ROCK1: variants seen among roughly 807,000 people sequenced by gnomAD.
The protein encoded by ROCK1 is Rho associated coiled-coil containing protein kinase 1, also known as rho-associated protein kinase 1.
In ROCK1, 36 loss-of-function variants were observed where a neutral mutation model predicts 196.8. The ratio of observed to expected loss-of-function variants is 0.18; its 90% CI spans 0.14 to 0.24. The LOEUF is 0.24. Among genes scored for constraint, ROCK1 ranks in the 10% least tolerant of loss-of-function variants. The probability of loss-of-function intolerance (pLI) is 1.00; values close to 1 mark genes in which losing one functional copy is unlikely to be tolerated. For missense variants in ROCK1, 920 were observed against 1,562.0 expected, an observed-to-expected ratio of 0.59 and a Z score of 6.93; for synonymous variants, 443 against 515.9, an observed-to-expected ratio of 0.86 and a Z score of 1.91.
chr18:21,078,341 TACACACACACACACACACACACAC>T (rs59499705), intron 1 of ROCK1, among the ~76,000 whole-genome samples: 1 of 128,786 alleles, frequency 7.8e-6, no homozygotes, highest in African/African-American at 3.1e-5. Flanking sequence ...AACACCCACC[TACACACACACACACACACACACAC>T]ACACACACAG....
At chr18:21,047,994 C>T (rs759133320) in intron 4 of ROCK1, among the ~76,000 whole-genome samples, 5 of 152,126 alleles carry the variant, frequency 3.3e-5, no homozygotes, top group African/African-American at 7.2e-5. Context: ...GATCCCAATA[C>T]ATAAGACAGA....
chr18:20,979,859 A>C, intron 22 of ROCK1, 51 bp downstream of exon 22: 1 of 1,492,088 alleles, frequency 6.7e-7, no homozygotes, highest in Non-Finnish European at 8.9e-7. Flanking sequence ...CTTAAAACTT[A>C]AGAATGCCTG....
intron 1 of ROCK1, among the ~76,000 whole-genome samples, chr18:21,100,253 T>G (rs1272661717): frequency 3.3e-5 from 5 of 151,814 alleles, no homozygotes; most frequent in African/African-American, 9.7e-5. Flanking sequence ...CATAGCTCTA[T>G]TCACTGAACA....
chr18:20,996,669 T>C (rs2035673673), intron 16 of ROCK1, among the ~76,000 whole-genome samples: 1 of 152,174 alleles, frequency 6.6e-6, no homozygotes. Flanking sequence ...GCAATTGCAG[T>C]GTATAAATTA....
intron 1 of ROCK1, among the ~76,000 whole-genome samples, chr18:21,084,058 A>C (rs1200820060): frequency 6.6e-6 from 1 of 152,204 alleles, no homozygotes; most frequent in African/African-American, 2.4e-5. Context: ...GGTGCTGGAA[A>C]AACTGCATAT....
chr18:20,965,874 T>A (rs555194022), intron 27 of ROCK1, among the ~76,000 whole-genome samples: 1 of 152,148 alleles, frequency 6.6e-6, no homozygotes, highest in Non-Finnish European at 1.5e-5. Context: ...AGGGATCACA[T>A]AGCATACAGA....
intron 9 of ROCK1, among the ~76,000 whole-genome samples, chr18:21,039,269 G>C (rs1050766681): frequency 7.9e-5 from 12 of 151,952 alleles, no homozygotes; most frequent in African/African-American, 2.9e-4. Flanking sequence ...ATTTCATCTG[G>C]GTATCCTGCG....
chr18:21,036,444 GTAT>G (rs2036058058), intron 9 of ROCK1, among the ~76,000 whole-genome samples: 1 of 152,114 alleles, frequency 6.6e-6, no homozygotes, highest in South Asian at 2.1e-4. Flanking sequence ...ATTTAATGTA[GTAT>G]TATTAATTTT....
intron 1 of ROCK1, among the ~76,000 whole-genome samples, chr18:21,108,890 C>T (rs554950445): frequency 4.8e-4 from 73 of 152,134 alleles, no homozygotes; most frequent in Non-Finnish European, 7.9e-4. Flanking sequence ...AAAGGCAATC[C>T]AAAATCCTTA....
chr18:21,010,396 CTTCA>C (rs1598526820), intron 13 of ROCK1, among the ~76,000 whole-genome samples: 1 of 152,188 alleles, frequency 6.6e-6, no homozygotes, highest in East Asian at 1.9e-4. Context: ...TGTATTTTCA[CTTCA>C]TTGTTCAAAT....
chr18:20,970,296 C>T (rs2035413751), intron 23 of ROCK1, 52 bp downstream of exon 23: 4 of 1,387,802 alleles, frequency 2.9e-6, no homozygotes, highest in African/African-American at 2.8e-5. Context: ...TAAGATGTGA[C>T]CTATTGTGAT....
At chr18:20,989,717 AGAT>A (rs1287478991) in intron 18 of ROCK1, among the ~76,000 whole-genome samples, 1 of 152,140 alleles carries the variant, frequency 6.6e-6, no homozygotes, top group Non-Finnish European at 1.5e-5. Flanking sequence ...AGTTAAGATG[AGAT>A]GAGAGGAGCT....
intron 10 of ROCK1, among the ~76,000 whole-genome samples, chr18:21,026,671 T>G (rs573007284): frequency 6.6e-6 from 1 of 152,194 alleles, no homozygotes; most frequent in Non-Finnish European, 1.5e-5. Flanking sequence ...CTAAATTGTC[T>G]TTTTGTTTTC....
chr18:20,970,502 G>A lies in ROCK1; in HGVS notation c.2666C>T (p.Ala889Val), dbSNP rs560382181. Residue 889 changes from alanine to valine, a missense_variant, in exon 23 of 33, where the codon GCT becomes GTT. By Grantham distance (64) the Ala-to-Val change is moderately conservative (BLOSUM62 0). Coordinates refer to ENST00000399799, the MANE Select transcript of ROCK1 (RefSeq NM_005406.3). ...QELQNEKETL[A>V]TQLDLAETKA... ...TGTTTCTGCTAGATCCAACTGAGTAGCAAGAGTTTCTCTGCAACAATTTTT... is the reference window on the plus strand; with the variant it reads ...TGTTTCTGCTAGATCCAACTGAGTAACAAGAGTTTCTCTGCAACAATTTTT... The A allele has an allele frequency of 4.8e-5, 76 of 1,598,110 alleles. 1 individual carries two copies. The South Asian group carries it at 8.3e-4, about 18-fold the overall frequency.
At chr18:20,984,204 C>A in intron 20 of ROCK1, 147 bp downstream of exon 20, 1 of 605,856 alleles carries the variant, frequency 1.7e-6, no homozygotes. Context: ...AAAACCTTTG[C>A]AAGTAAATTC....
chr18:21,033,288 C>T (rs1473234660), intron 9 of ROCK1, among the ~76,000 whole-genome samples: 3 of 152,172 alleles, frequency 2.0e-5, no homozygotes, highest in African/African-American at 7.2e-5. Flanking sequence ...AACACCCCTT[C>T]ATGATTGAAA....
At chr18:21,084,263 AAAC>A (rs900572269) in intron 1 of ROCK1, among the ~76,000 whole-genome samples, 6 of 151,760 alleles carry the variant, frequency 4.0e-5, no homozygotes, top group Non-Finnish European at 7.4e-5. Flanking sequence ...AACAAAAAAA[AAAC>A]AAACTAAACC....
chr18:20,959,161 ATATTATATAATATATATAATAT>A (rs1405423863), intron 29 of ROCK1, among the ~76,000 whole-genome samples: 1 of 73,662 alleles, frequency 1.4e-5, no homozygotes, highest in African/African-American at 6.2e-5. Flanking sequence ...TATATATTAT[ATATTATATAATATATATAATAT>A]TATATATAAT....
chr18:20,960,297 C>A, intron 27 of ROCK1, 91 bp from the exon 28 acceptor site: 1 of 771,598 alleles, frequency 1.3e-6, no homozygotes, highest in South Asian at 1.5e-5. Flanking sequence ...CAGCAACAAG[C>A]AATTGAACAC....
Sources: gnomAD v4.1 joint callset for allele counts (sites outside exome capture counted in the v4.1 genomes callset) on GRCh38, gnomAD v4.1.1 for gene constraint, MANE v1.5 for transcripts, NCBI Gene and HGNC (gene_info 2026-07-23, HGNC 2026-07-21) for gene names.